COBLL1: variants seen among roughly 807,000 people sequenced by gnomAD.
COBLL1 encodes cordon-bleu protein-like 1.
A neutral mutation model predicts 94.8 loss-of-function variants in COBLL1; 50 were observed. The observed-to-expected ratio is 0.53, with a 90% CI of 0.42 to 0.67. COBLL1 has a LOEUF of 0.67. COBLL1 is among the 30% of genes least tolerant of loss of function. COBLL1 has a pLI of 0.00. For missense variants in COBLL1, 1,362 were observed against 1,348.7 expected, an observed-to-expected ratio of 1.01 and a Z score of -0.15; for synonymous variants, 448 against 473.8, an observed-to-expected ratio of 0.95 and a Z score of 0.71.
chr2:164,809,745 T>A (rs1684368245), intron 2 of COBLL1, among the ~76,000 whole-genome samples: 1 of 151,950 alleles, frequency 6.6e-6, no homozygotes, highest in Non-Finnish European at 1.5e-5. Flanking sequence ...TTTTAATAAT[T>A]TGAGTTGCCC....
At chr2:164,776,929 A>G (rs1688492591) in intron 2 of COBLL1, among the ~76,000 whole-genome samples, 1 of 152,182 alleles carries the variant, frequency 6.6e-6, no homozygotes, top group Non-Finnish European at 1.5e-5. Flanking sequence ...GTTTTGGAAT[A>G]ATTTTAGATT....
At chr2:164,749,653 A>C (rs572041206) in intron 2 of COBLL1, among the ~76,000 whole-genome samples, 41 of 152,346 alleles carry the variant, frequency 2.7e-4, no homozygotes, top group Non-Finnish European at 5.3e-4. Context: ...TATGTGCTCA[A>C]GAGAATACAA....
At chr2:164,773,916 T>C (rs1688336030) in intron 2 of COBLL1, 2 of 171,434 alleles carry the variant, frequency 1.2e-5, no homozygotes, top group African/African-American at 2.4e-5. Flanking sequence ...GTTAACATTT[T>C]CACAGGCTCT....
At chr2:164,746,523 T>C (rs928536918) in intron 2 of COBLL1, among the ~76,000 whole-genome samples, 11 of 152,162 alleles carry the variant, frequency 7.2e-5, no homozygotes, top group Admixed American at 3.9e-4. Flanking sequence ...TACAACCTGA[T>C]AAATCCACCC....
rs146505664 is a variant in COBLL1, at chr2:164,728,025, G to A, written c.605C>T (p.Thr202Ile). 1.5e-5 allele frequency: 24 copies of A among 1,613,590 alleles called. No individual in the cohort carries two copies. In the African/African-American group the frequency reaches 2.0e-4, roughly 13 times the overall value. The change falls in exon 5 of 14, where the codon ACA becomes ATA. Residue 202 changes from threonine (T) to isoleucine (I), a missense_variant. By Grantham distance (89) the Thr-to-Ile change is moderately conservative. Transcript: ENST00000652658. Reference sequence around the variant, plus strand: ...TAGTCCCAGGTCATTAAGAGATTTTGTCAAGTCAAGAGGCTCCTGCGATTG... The same window carrying A: ...TAGTCCCAGGTCATTAAGAGATTTTATCAAGTCAAGAGGCTCCTGCGATTG... ...DYQSQEPLDL[T>I]KSLNDLGLRE...
chr2:164,761,850 A>C (rs1353608191), intron 2 of COBLL1, among the ~76,000 whole-genome samples: 3 of 152,178 alleles, frequency 2.0e-5, no homozygotes, highest in Non-Finnish European at 4.4e-5. Context: ...ACAGGTATAC[A>C]ATTTTCACAT....
chr2:164,719,709 G>T (rs769797649), intron 7 of COBLL1, among the ~76,000 whole-genome samples: 2 of 152,058 alleles, frequency 1.3e-5, no homozygotes, highest in Non-Finnish European at 2.9e-5. Context: ...AAGTACATCT[G>T]CAAAAATTCT....
chr2:164,800,582 T>C, intron 2 of COBLL1: 1 of 701,878 alleles, frequency 1.4e-6, no homozygotes, highest in Non-Finnish European at 2.6e-6. Flanking sequence ...GAAATCAAAA[T>C]TTTGTACTTG....
intron 3 of COBLL1, among the ~76,000 whole-genome samples, chr2:164,740,816 G>A (rs765153793): frequency 6.6e-6 from 1 of 152,164 alleles, no homozygotes. Flanking sequence ...AGATCAGGGA[G>A]CCTTTATATA....
chr2:164,754,891 C>T (rs752856811), intron 2 of COBLL1, among the ~76,000 whole-genome samples: 6 of 152,210 alleles, frequency 3.9e-5, no homozygotes, highest in African/African-American at 9.6e-5. Context: ...CACAGGTTTC[C>T]GGCTGGGTGC....
At chr2:164,679,681 C>T (rs1253200654), downstream of COBLL1, among the ~76,000 whole-genome samples, 2 of 151,376 alleles carry the variant, frequency 1.3e-5, no homozygotes, top group East Asian at 2.0e-4. Flanking sequence ...AAAAATAATG[C>T]CGTGTTCCAA....
chr2:164,695,325 T>C lies in COBLL1; in HGVS notation c.2067A>G (p.Val689=). Residue 689 remains valine, a synonymous_variant, in exon 12 of 14, where the codon GTA becomes GTG. Coordinates refer to ENST00000652658, the MANE Select transcript of COBLL1 (RefSeq NM_001365672.2). ...CAGTGGAATTTTTGTCAATCCTATC[T>C]ACAGGAGGCAAAAGATCATCATTAC... ...AHGNDDLLPP[V]DRIDKNSTAS... 2 of 1,613,948 alleles carry C rather than the reference T, an allele frequency of 1.2e-6. No individual in the cohort carries two copies. Among genetic ancestry groups the C allele is most frequent in the Non-Finnish European group, 1.7e-6 (2 of 1,179,940 alleles).
rs973714694 is a variant in COBLL1, at chr2:164,722,365, G to A, written c.760-54C>T. The A allele has an allele frequency of 4.6e-6, 7 of 1,507,132 alleles. No homozygotes were observed. In the South Asian group the frequency reaches 7.3e-5, roughly 16 times the overall value. The allele number at this position is 1,507,132 out of a possible 1,614,324, so 93.4% of individuals were successfully genotyped here. A position where few individuals can be genotyped will look rare whatever the true frequency, so the allele number is the denominator to read the frequency against. Reference sequence around the variant, plus strand: ...AGTAATTTCAAGATATTAGTAAAAAGCATTAGTAATTAAAAATAATTGAAG... The same window carrying A: ...AGTAATTTCAAGATATTAGTAAAAAACATTAGTAATTAAAAATAATTGAAG... On this transcript the variant is annotated intron_variant, in intron 6 of 13. Transcript: ENST00000652658.
intron 2 of COBLL1, among the ~76,000 whole-genome samples, chr2:164,754,494 A>C (rs1160994944): frequency 6.6e-6 from 1 of 152,228 alleles, no homozygotes; most frequent in Non-Finnish European, 1.5e-5. Flanking sequence ...ATCTCAGGCC[A>C]ATAGTCACAA....
At chr2:164,706,153 T>C (rs183379400) in intron 7 of COBLL1, among the ~76,000 whole-genome samples, 10 of 152,348 alleles carry the variant, frequency 6.6e-5, no homozygotes, top group Middle Eastern at 3.4e-3. Context: ...AAAGGATTCC[T>C]ATCAAAGTCA....
intron 13 of COBLL1, among the ~76,000 whole-genome samples, chr2:164,688,509 A>ATTTT (rs1298223013): frequency 6.6e-6 from 1 of 152,182 alleles, no homozygotes; most frequent in African/African-American, 2.4e-5. Flanking sequence ...ATACTTAAAA[A>ATTTT]AACAGCATTT....
chr2:164,819,810 T>TG (rs1559047981), intron 2 of COBLL1, among the ~76,000 whole-genome samples: 1 of 151,944 alleles, frequency 6.6e-6, no homozygotes, highest in African/African-American at 2.4e-5. Flanking sequence ...CACTGTTTTT[T>TG]TTTTGTTTTG....
chr2:164,798,749 G>A (rs1683604591), intron 2 of COBLL1, among the ~76,000 whole-genome samples: 2 of 150,592 alleles, frequency 1.3e-5, no homozygotes, highest in South Asian at 4.2e-4. Flanking sequence ...GCTGGGGGCA[G>A]TGGCTCACGC....
rs577914228 is a variant in COBLL1 at position 164,782,345 on chromosome 2, G to GT, written c.42-38471dup. On this transcript the variant is annotated intron_variant, in intron 2 of 13. Transcript: ENST00000652658. ...CATCCCTAAATTAACTGTTAATTATGTTTTTTAAATCACCTAACTGAAAAA... is the reference window on the plus strand; with the variant it reads ...CATCCCTAAATTAACTGTTAATTATGTTTTTTTAAATCACCTAACTGAAAAA... 2.6e-3 allele frequency among the ~76,000 whole-genome samples: 403 copies of GT among 152,186 alleles called. 3 individuals carry two copies. Among genetic ancestry groups the GT allele is most frequent in the African/African-American group, 9.4e-3 (390 of 41,538 alleles).
Sources: allele counts gnomAD v4.1 joint callset (sites outside exome capture counted in the v4.1 genomes callset), GRCh38; gene constraint gnomAD v4.1.1; transcripts MANE v1.5; gene names NCBI Gene and HGNC (gene_info 2026-07-23, HGNC 2026-07-21).